Variants in SMARCA2 observed in about 807,000 individuals in gnomAD.
SMARCA2 encodes the protein SWI/SNF related BAF chromatin remodeling complex subunit ATPase 2, also known as SWI/SNF-related matrix-associated actin-dependent regulator of chromatin subfamily A member 2.
SMARCA2 carries 61 observed loss-of-function variants against 199.8 expected under a neutral mutation model. The observed-to-expected ratio is 0.31, with a 90% CI of 0.25 to 0.38. The LOEUF is 0.38. Among genes scored for constraint, SMARCA2 ranks in the 10% least tolerant of loss-of-function variants. SMARCA2 has a pLI of 1.00. For synonymous variants in SMARCA2, 935 were observed against 732.0 expected, an observed-to-expected ratio of 1.28 and a Z score of -4.48; for missense variants, 1,344 against 2,012.2, an observed-to-expected ratio of 0.67 and a Z score of 6.35.
intron 32 of SMARCA2, among the ~76,000 whole-genome samples, chr9:2,190,649 A>C (rs911007345): frequency 6.6e-6 from 1 of 152,200 alleles, no homozygotes; most frequent in African/African-American, 2.4e-5. Flanking sequence ...ACACATACAC[A>C]CAGAGAGAGA....
chr9:2,041,623 G>C (rs1819606408), intron 4 of SMARCA2: 1 of 385,064 alleles, frequency 2.6e-6, no homozygotes, highest in African/African-American at 2.1e-5. Context: ...ATGGCAGTGG[G>C]TTTTAAAAGG....
intron 32 of SMARCA2, among the ~76,000 whole-genome samples, chr9:2,188,021 G>A (rs551299687): frequency 9.2e-5 from 14 of 152,016 alleles, no homozygotes; most frequent in Admixed American, 5.2e-4. Context: ...AGAATTACAC[G>A]TTTTTTTACC....
intron 21 of SMARCA2, among the ~76,000 whole-genome samples, chr9:2,101,214 A>C (rs1004945865): frequency 1.3e-5 from 2 of 152,028 alleles, no homozygotes; most frequent in Non-Finnish European, 2.9e-5. Flanking sequence ...GTGCTCTTCT[A>C]GTCTAGACTC....
At position 2,145,924 on chromosome 9, in the gene SMARCA2, A is replaced by G. The variant is rs148300835; in HGVS notation, c.3982-15762A>G. Among the ~76,000 whole-genome samples the G allele has an allele frequency of 5.3e-5, 8 of 152,308 alleles. No individual in the cohort carries two copies. The East Asian group carries it at 1.2e-3, about 22-fold the overall frequency. On this transcript the variant is annotated intron_variant, in intron 27 of 33. Transcript: ENST00000349721. ...TATGCAATGTGCATAGGCACAGGGG[A>G]TTGGGAAAGACATCCCAGGCGAGAA...
chr9:2,117,528 G>A (rs957776673), intron 25 of SMARCA2, among the ~76,000 whole-genome samples: 1 of 152,132 alleles, frequency 6.6e-6, no homozygotes, highest in Non-Finnish European at 1.5e-5. Context: ...AAACAATATG[G>A]CGAATGATCT....
intron 24 of SMARCA2, among the ~76,000 whole-genome samples, chr9:2,114,343 G>C (rs922927580): frequency 6.6e-6 from 1 of 152,100 alleles, no homozygotes; most frequent in Non-Finnish European, 1.5e-5. Context: ...TGCCTAATTG[G>C]CTACTTAATT....
At chr9:2,033,832 T>G (rs956081560) in intron 3 of SMARCA2, among the ~76,000 whole-genome samples, 7 of 152,234 alleles carry the variant, frequency 4.6e-5, no homozygotes, top group Non-Finnish European at 1.0e-4. Flanking sequence ...AGTATCCACA[T>G]GAAATTTTTC....
At chr9:2,165,967 G>C (rs180711723) in intron 28 of SMARCA2, among the ~76,000 whole-genome samples, 2 of 152,292 alleles carry the variant, frequency 1.3e-5, no homozygotes, top group East Asian at 3.9e-4. Flanking sequence ...ACTGCAGTGT[G>C]AGCTCCCTGC....
At position 2,104,942 on chromosome 9, in the gene SMARCA2, C is replaced by T. The variant is rs1822685714; in HGVS notation, c.3292+773C>T. On this transcript the variant is annotated intron_variant, in intron 23 of 33. Transcript: ENST00000349721. The surrounding 1 kb of genome is among the most constrained non-coding windows in gnomAD (Gnocchi z 4.0). ...TAGAAGTTAATTTACAGTCAGGATGCTATTTAATCCCTGGGTAGAAAAGAG... is the reference window on the plus strand; with the variant it reads ...TAGAAGTTAATTTACAGTCAGGATGTTATTTAATCCCTGGGTAGAAAAGAG... 6.6e-6 allele frequency among the ~76,000 whole-genome samples: 1 copy of T among 152,128 alleles called. No individual in the cohort carries two copies. Among genetic ancestry groups the T allele is most frequent in the African/African-American group, 2.4e-5 (1 of 41,424 alleles).
chr9:2,085,682 C>G (rs1429550095), intron 17 of SMARCA2: 2 of 151,558 alleles, frequency 1.3e-5, no homozygotes, highest in South Asian at 2.1e-4. Context: ...ACCTGTACAT[C>G]CCAGCCTGAC....
Position 2,140,479 on chromosome 9 carries a change from C to G in SMARCA2, c.3981+16542C>G, listed in dbSNP as rs540093274. On this transcript the variant is annotated intron_variant, in intron 27 of 33. Coordinates refer to ENST00000349721, the MANE Select transcript of SMARCA2 (RefSeq NM_003070.5). The stretch of plus-strand genomic sequence containing the variant: ...CACTGGTATATATTTTTATTTGCCA[C>G]CATTGTATCTGATGATTGACTGTTC... Among the ~76,000 whole-genome samples, 27 of 152,264 alleles carry G rather than the reference C, an allele frequency of 1.8e-4. No homozygotes were observed. In the South Asian group the frequency reaches 2.5e-3, roughly 14 times the overall value.
chr9:2,160,809 GTTC>G (rs1755017124), intron 27 of SMARCA2: 4 of 350,176 alleles, frequency 1.1e-5, no homozygotes, highest in African/African-American at 2.4e-5. Context: ...CAAATTTTAT[GTTC>G]TTTTTTTTTT....
intron 26 of SMARCA2, among the ~76,000 whole-genome samples, chr9:2,121,920 ATTGTAC>A (rs1463272012): frequency 1.3e-5 from 2 of 152,240 alleles, no homozygotes; most frequent in Non-Finnish European, 2.9e-5. Context: ...TTTAAAACTA[ATTGTAC>A]TTGTAAGCAT....
At chr9:2,132,709 T>C (rs1034214771) in intron 27 of SMARCA2, among the ~76,000 whole-genome samples, 3 of 152,192 alleles carry the variant, frequency 2.0e-5, no homozygotes, top group Admixed American at 6.5e-5. Context: ...CCCTAGAAAA[T>C]AGATTTGGGT....
In SMARCA2 at chr9:2,186,224, C is replaced by T. The variant is rs77070978; in HGVS notation, c.4590C>T (p.Ser1530=). 22,094 of 1,613,274 alleles carry T rather than the reference C, an allele frequency of 0.014. 186 individuals carry two copies. The highest frequency in any genetic ancestry group is 0.016 in the Non-Finnish European group (18,943 of 1,179,524). The change falls in exon 32 of 34, where the codon TCC becomes TCT. Residue 1530 remains serine, a synonymous_variant. Transcript: ENST00000349721. The stretch of plus-strand genomic sequence containing the variant: ...AGGAAGATGAAGAAGAGTCAGAGTC[C>T]GAGGGTAAGCCCAGACATTCGGGTC... ...EEEEDEEESE[S]EAKSVKVKIK... is the part of the protein sequence containing the mutation.
intron 22 of SMARCA2, among the ~76,000 whole-genome samples, chr9:2,102,977 T>A (rs77533930): frequency 4.0e-5 from 6 of 151,434 alleles, no homozygotes; most frequent in East Asian, 1.9e-4. Flanking sequence ...TTTTTTTTTT[T>A]AATTTCTCAA....
intron 31 of SMARCA2, among the ~76,000 whole-genome samples, chr9:2,182,478 C>CTTTTTTTTTTTTTTT (rs145095906): frequency 5.2e-5 from 5 of 96,734 alleles, no homozygotes; most frequent in Admixed American, 1.3e-4. Flanking sequence ...AGCTTATAGT[C>CTTTTTTTTTTTTTTT]TTTTTTTTTT....
intron 22 of SMARCA2, among the ~76,000 whole-genome samples, chr9:2,102,859 A>G (rs1245615122): frequency 6.6e-6 from 1 of 152,108 alleles, no homozygotes; most frequent in Non-Finnish European, 1.5e-5. Flanking sequence ...CGTTCAGTAT[A>G]GCTCATAGAG....
chr9:2,172,798 G>T (rs548794861), intron 29 of SMARCA2, among the ~76,000 whole-genome samples: 1 of 152,260 alleles, frequency 6.6e-6, no homozygotes, highest in South Asian at 2.1e-4. Flanking sequence ...GTGGGAGAGG[G>T]GAGGTGACAC....
Sources: gnomAD v4.1 joint callset for allele counts (sites outside exome capture counted in the v4.1 genomes callset) on GRCh38, gnomAD v4.1.1 for gene constraint, Gnocchi (gnomAD v3.1) non-coding constraint, MANE v1.5 for transcripts, NCBI Gene and HGNC (gene_info 2026-07-23, HGNC 2026-07-21) for gene names.